The following RC3H1 variants were observed in gnomAD, a reference collection of about 807,000 sequenced individuals.
RC3H1 encodes the protein roquin-1.
Under a neutral mutation model 138.2 loss-of-function variants are expected in RC3H1, and 50 were observed. The ratio of observed to expected loss-of-function variants is 0.36; its 90% confidence interval spans 0.29 to 0.46. RC3H1 has a LOEUF of 0.46. RC3H1 is among the 20% of genes least tolerant of loss of function. The pLI is 1.00. For missense variants in RC3H1, 1,031 were observed against 1,388.1 expected (o/e 0.74, Z 4.09); for synonymous variants, 462 against 489.1 (o/e 0.94, Z 0.73).
At position 173,943,631 on chromosome 1, in the gene RC3H1, A is replaced by G. The variant is rs1355650639; in HGVS notation, c.2962-16T>C. 1.0e-5 allele frequency: 16 copies of G among 1,601,468 alleles called. No individual in the cohort carries two copies. The Admixed American group carries it at 2.7e-4, about 27-fold the overall frequency. The stretch of plus-strand genomic sequence containing the variant: ...TACTAACAGCCTAGTGCATAAAGCC[A>G]AGCACACAGAAAACTCAACACACTT... On this transcript the variant is annotated splice_polypyrimidine_tract_variant and intron_variant, in intron 17 of 19. Transcript: ENST00000367696.
chr1:174,003,420 C>T (rs1661595315), intron 1 of RC3H1, among the ~76,000 whole-genome samples: 1 of 150,670 alleles, frequency 6.6e-6, no homozygotes, highest in Non-Finnish European at 1.5e-5. Flanking sequence ...CACACACACA[C>T]GTACGGGGAA....
In RC3H1 at chr1:173,967,712, AG is replaced by A. The variant is rs1660181886; in HGVS notation, c.1335-2593del. On this transcript the variant is annotated intron_variant, in intron 9 of 19. Coordinates refer to ENST00000367696, the MANE Select transcript of RC3H1 (RefSeq NM_172071.4). ...AGAGCTCATTTTATGTTAGGATATCAGCCCTCTGTGTGTCATTTCCTCACCA... is the reference window on the plus strand; with the variant it reads ...AGAGCTCATTTTATGTTAGGATATCACCCTCTGTGTGTCATTTCCTCACCA... Among the ~76,000 whole-genome samples the A allele has an allele frequency of 5.3e-5, 8 of 152,192 alleles. No homozygotes were observed. In the South Asian group the frequency reaches 1.7e-3, roughly 31 times the overall value.
chr1:173,973,118 AT>A (rs1320610974), intron 7 of RC3H1, among the ~76,000 whole-genome samples: 1 of 152,246 alleles, frequency 6.6e-6, no homozygotes, highest in Non-Finnish European at 1.5e-5. Context: ...CATCTAAGAA[AT>A]TTAGACCATT....
Position 173,931,846 on chromosome 1 carries a change from A to T in RC3H1, c.*6875T>A, listed in dbSNP as rs1658391206. On this transcript the variant is annotated 3_prime_UTR_variant, in exon 20 of 20. Coordinates refer to ENST00000367696, the MANE Select transcript of RC3H1 (RefSeq NM_172071.4). Reference sequence around the variant, plus strand: ...TCTTTTTAAAGTTGGAAACACTTGGAAAAAGTAAAATTTCACAAAATTCAG... The same window carrying T: ...TCTTTTTAAAGTTGGAAACACTTGGTAAAAGTAAAATTTCACAAAATTCAG... The T allele has an allele frequency of 6.6e-6, 1 of 152,170 alleles. No individual in the cohort carries two copies. The highest frequency in any genetic ancestry group is 2.4e-5 in the African/African-American group (1 of 41,450). 9.4% of individuals were successfully genotyped at this position (152,170 alleles called of 1,614,324 possible).
chr1:173,974,806 C>T (rs181616341), intron 7 of RC3H1, among the ~76,000 whole-genome samples: 12 of 152,216 alleles, frequency 7.9e-5, no homozygotes, highest in African/African-American at 2.9e-4. Context: ...GTGACAGGGT[C>T]GCTCCGGCTC....
intron 1 of RC3H1, among the ~76,000 whole-genome samples, chr1:174,007,419 C>A (rs1245898156): frequency 6.6e-6 from 1 of 151,816 alleles, no homozygotes; most frequent in African/African-American, 2.4e-5. Flanking sequence ...ATAACGGAAT[C>A]ATCAGTATGT....
rs748709737 is a variant in RC3H1, at chr1:173,992,799, G to A, written c.187C>T (p.Leu63Phe). 1.2e-6 allele frequency: 2 copies of A among 1,614,134 alleles called. No homozygotes were observed. The highest frequency in any genetic ancestry group is 1.7e-6 in the Non-Finnish European group (2 of 1,180,018). ...AGCAATGCTGAGTTCACAGGGAGGA[G>A]CTCAATGTCTGTATTGATAGTGGTC... is the stretch of plus-strand genomic sequence containing the variant. ...DQTTINTDIE[L>F]LPVNSALLQL... The change falls in exon 2 of 20, where the codon CTC becomes TTC. Residue 63 changes from leucine to phenylalanine, a missense_variant. Physicochemically the swap from Leu to Phe is conservative, Grantham distance 22. This residue lies in a region of RC3H1 where 80 missense variants were observed against 81.1 expected (regional missense o/e 0.99). Coordinates refer to ENST00000367696, the MANE Select transcript of RC3H1 (RefSeq NM_172071.4).
At chr1:174,011,064 TA>T (rs1661740440) in intron 1 of RC3H1, among the ~76,000 whole-genome samples, 1 of 152,168 alleles carries the variant, frequency 6.6e-6, no homozygotes, top group African/African-American at 2.4e-5. Context: ...CATATGCATT[TA>T]AAGATTTACC....
rs1660938624 is a variant in RC3H1, at chr1:173,984,383, T to C, written c.352+116A>G. 25 of 921,036 alleles carry C rather than the reference T, an allele frequency of 2.7e-5. No individual in the cohort carries two copies. In the South Asian group the frequency reaches 4.8e-4, roughly 18 times the overall value. The allele number at this position is 921,036 out of a possible 1,614,324, so 57.1% of individuals were successfully genotyped here. On this transcript the variant is annotated intron_variant, in intron 3 of 19. Transcript: ENST00000367696. ...CATTTACTTAGTATGGATAATTGCA[T>C]CAAATTTACCTCTAGTTAGGTTTTT... is the stretch of plus-strand genomic sequence containing the variant.
At chr1:174,010,486 C>A (rs1661730693) in intron 1 of RC3H1, among the ~76,000 whole-genome samples, 2 of 152,182 alleles carry the variant, frequency 1.3e-5, no homozygotes, top group Non-Finnish European at 2.9e-5. Context: ...ATGATCAGAG[C>A]TCACTGCAGC....
chr1:173,949,442 C>A lies in RC3H1; in HGVS notation c.2524-1860G>T, dbSNP rs370798856. On this transcript the variant is annotated intron_variant, in intron 14 of 19. Transcript: ENST00000367696. ...GGAGTGCAGTGGCGCAATCTCGGTT[C>A]ACTGCAACCTCTGCCTCCCAGGTTC... Among the ~76,000 whole-genome samples, 43 of 151,516 alleles carry A rather than the reference C, an allele frequency of 2.8e-4. No individual in the cohort carries two copies. In the South Asian group the frequency reaches 9.0e-3, roughly 32 times the overall value.
chr1:173,951,878 C>A, intron 14 of RC3H1, 108 bp downstream of exon 14: 1 of 1,045,152 alleles, frequency 9.6e-7, no homozygotes, highest in South Asian at 2.2e-5. Flanking sequence ...AGAATATGGT[C>A]TGAAACTCTT....
intron 2 of RC3H1, among the ~76,000 whole-genome samples, chr1:173,985,894 ATATC>A (rs1661005924): frequency 6.6e-6 from 1 of 152,230 alleles, no homozygotes; most frequent in Non-Finnish European, 1.5e-5. Context: ...CTCTGGAAGA[ATATC>A]TATTCAGATC....
Position 173,992,805 on chromosome 1 carries a change from TGTCTGTATTGATAGTG to T in RC3H1, c.165_180del (p.Thr56LeufsTer6), listed in dbSNP as rs1300973351. 1 of 1,614,176 alleles carries T rather than the reference TGTCTGTATTGATAGTG, an allele frequency of 6.2e-7. No homozygotes were observed. The highest frequency in any genetic ancestry group is 1.7e-5 in the Admixed American group (1 of 60,018). The stretch of plus-strand genomic sequence containing the variant: ...GCTGAGTTCACAGGGAGGAGCTCAA[TGTCTGTATTGATAGTG>T]GTCTGGTCAAATGGGCAAGCCTTGC... On this transcript the variant is annotated frameshift_variant, in exon 2 of 20. Transcript: ENST00000367696. LOFTEE classifies it high-confidence loss of function.
chr1:173,982,640 A>G lies in RC3H1; in HGVS notation c.768+87T>C, dbSNP rs990142828. 162 of 1,199,488 alleles carry G rather than the reference A, an allele frequency of 1.4e-4. 1 individual carries two copies. The highest frequency in any genetic ancestry group is 1.7e-4 in the Non-Finnish European group (152 of 873,812). The allele number at this position is 1,199,488 out of a possible 1,614,324, so 74.3% of individuals were successfully genotyped here. ...TGAGATTTTCTGAAAAGATACAGGCAACTTTATTAAACTCAAAGTTTTACT... is the reference window on the plus strand; with the variant it reads ...TGAGATTTTCTGAAAAGATACAGGCGACTTTATTAAACTCAAAGTTTTACT... On this transcript the variant is annotated intron_variant, in intron 5 of 19. Coordinates refer to ENST00000367696, the MANE Select transcript of RC3H1 (RefSeq NM_172071.4).
intron 9 of RC3H1, among the ~76,000 whole-genome samples, chr1:173,967,319 CA>C (rs200557773): frequency 1.3e-5 from 2 of 150,524 alleles, no homozygotes; most frequent in African/African-American, 2.4e-5. Context: ...GACCCTGTCT[CA>C]AAAAAAAAGT....
In RC3H1 at chr1:173,970,588, G is replaced by A. The variant is rs1194258601; in HGVS notation, c.1251C>T (p.Tyr417=). The change falls in exon 9 of 20, where the codon TAC becomes TAT. Residue 417 remains tyrosine, a synonymous_variant. Transcript: ENST00000367696. ...CTCTCTGCTTCATATCTCGACACAT[G>A]TATGTTTTGTATTTGCTATGCTGTG... ...QPPQHSKYKT[Y]MCRDMKQRGG... The A allele has an allele frequency of 1.2e-6, 2 of 1,613,536 alleles. No individual in the cohort carries two copies. The highest frequency in any genetic ancestry group is 2.7e-5 in the African/African-American group (2 of 74,898).
intron 8 of RC3H1, 94 bp downstream of exon 8, chr1:173,972,415 G>T: frequency 4.0e-6 from 3 of 744,002 alleles, no homozygotes; most frequent in Non-Finnish European, 4.7e-6. Flanking sequence ...TATCTTTTTG[G>T]CTTTGTATCT....
intron 9 of RC3H1, among the ~76,000 whole-genome samples, 196 bp downstream of exon 9, chr1:173,970,306 TGTG>T (rs1660300327): frequency 6.6e-6 from 1 of 152,236 alleles, no homozygotes; most frequent in African/African-American, 2.4e-5. Flanking sequence ...ATTTTCAACT[TGTG>T]GTGTCAAGTT....
Sources: gnomAD v4.1 joint callset for allele counts (sites outside exome capture counted in the v4.1 genomes callset) on GRCh38, gnomAD v4.1.1 for gene constraint, gnomAD v4.1.1 regional missense constraint, MANE v1.5 for transcripts, NCBI Gene and HGNC (gene_info 2026-07-23, HGNC 2026-07-21) for gene names.